Variants in HIPK3 observed in about 807,000 individuals in gnomAD.
HIPK3 encodes homeodomain interacting protein kinase 3.
Under a neutral mutation model 124.2 loss-of-function variants are expected in HIPK3, and 47 were observed. That is an observed-to-expected ratio of 0.38 (90% CI 0.30 to 0.48). The LOEUF (loss-of-function observed/expected upper bound fraction) is 0.48, where lower values mean the gene tolerates loss of function less well. Ranked by LOEUF, HIPK3 falls within the 20% of genes least tolerant of loss-of-function variation. The pLI, the probability that HIPK3 is intolerant of heterozygous loss-of-function variation, is 0.98. For synonymous variants in HIPK3, 482 were observed against 515.2 expected, an observed-to-expected ratio of 0.94 and a Z score of 0.87; for missense variants, 1,286 against 1,454.3, an observed-to-expected ratio of 0.88 and a Z score of 1.88.
intron 2 of HIPK3, among the ~76,000 whole-genome samples, chr11:33,288,371 C>T (rs955558034): frequency 4.6e-5 from 7 of 152,162 alleles, no homozygotes; most frequent in African/African-American, 1.7e-4. Context: ...AGGAGAATCA[C>T]TTGAACCCAG....
chr11:33,292,085 T>A (rs1473785751), intron 2 of HIPK3, among the ~76,000 whole-genome samples: 1 of 152,220 alleles, frequency 6.6e-6, no homozygotes, highest in Non-Finnish European at 1.5e-5. Flanking sequence ...TAGGGTACTT[T>A]ATGATGAAAC....
chr11:33,353,054 A>G (rs1231193918), intron 16 of HIPK3, 38 bp from the exon 17 acceptor site: 1 of 1,167,692 alleles, frequency 8.6e-7, no homozygotes, highest in Admixed American at 2.1e-5. Context: ...CTTTTAAGGT[A>G]TGTTATTCAG....
Position 33,257,878 on chromosome 11 carries a change from G to A in HIPK3, c.-14G>A, listed in dbSNP as rs1850708549. 2 of 985,520 alleles carry A rather than the reference G, an allele frequency of 2.0e-6. No homozygotes were observed. The highest frequency in any genetic ancestry group is 2.4e-6 in the Non-Finnish European group (2 of 830,050). The allele number at this position is 985,520 out of a possible 1,614,324, so 61.0% of individuals were successfully genotyped here. ...GCCGCCCGAAGAGGAGAGAGCGCGG[G>A]CCTCTAGGAAGGTAAGGGAGTCGAG... On this transcript the variant is annotated 5_prime_UTR_variant, in exon 1 of 17. Transcript: ENST00000303296.
intron 2 of HIPK3, among the ~76,000 whole-genome samples, chr11:33,314,288 G>T (rs911292942): frequency 2.0e-5 from 3 of 152,082 alleles, no homozygotes; most frequent in African/African-American, 7.2e-5. Flanking sequence ...GTCTAAAATG[G>T]GATAATGTAT....
intron 1 of HIPK3, among the ~76,000 whole-genome samples, chr11:33,265,813 C>T (rs924122025): frequency 6.9e-6 from 1 of 145,482 alleles, no homozygotes; most frequent in African/African-American, 2.5e-5. Context: ...GGGCCGGGCA[C>T]GGTGGCTCAC....
intron 2 of HIPK3, among the ~76,000 whole-genome samples, chr11:33,303,707 T>C (rs1182947463): frequency 6.6e-6 from 1 of 152,208 alleles, no homozygotes; most frequent in Non-Finnish European, 1.5e-5. Flanking sequence ...CTGAATGTTA[T>C]TAACAGCATG....
At chr11:33,278,728 C>T (rs2133888369) in intron 1 of HIPK3, among the ~76,000 whole-genome samples, 1 of 152,146 alleles carries the variant, frequency 6.6e-6, no homozygotes, top group Non-Finnish European at 1.5e-5. Flanking sequence ...CCTGTAGTCC[C>T]AGCTACTCGG....
chr11:33,343,032 T>C (rs1361080844), intron 8 of HIPK3, among the ~76,000 whole-genome samples: 2 of 152,288 alleles, frequency 1.3e-5, no homozygotes, highest in Non-Finnish European at 1.5e-5. Flanking sequence ...TAAACCAACA[T>C]GTCCAACTTA....
chr11:33,258,582 T>TA (rs1224586115), intron 1 of HIPK3: 1 of 985,278 alleles, frequency 1.0e-6, no homozygotes, highest in Non-Finnish European at 1.2e-6. Flanking sequence ...CTTCTCTCGT[T>TA]ACGGTGGCTG....
In HIPK3 at chr11:33,339,651, G is replaced by C. The variant is rs1459308578; in HGVS notation, c.1613+117G>C. On this transcript the variant is annotated intron_variant, in intron 6 of 16. Coordinates refer to ENST00000303296, the MANE Select transcript of HIPK3 (RefSeq NM_005734.5). ...ACACAAGTAACCTGAGTCAAAAGAG[G>C]CTAAGCTAACTTGACCAAGTTCACA... 1.9e-5 allele frequency: 14 copies of C among 745,030 alleles called. No individual in the cohort carries two copies. The East Asian group carries it at 3.5e-4, about 19-fold the overall frequency. 46.2% of individuals were successfully genotyped at this position (745,030 alleles called of 1,614,324 possible). A position where few individuals can be genotyped will look rare whatever the true frequency, so the allele number is the denominator to read the frequency against.
chr11:33,272,792 T>TC (rs1851167586), intron 1 of HIPK3, among the ~76,000 whole-genome samples: 2 of 778 alleles, frequency 2.6e-3, no homozygotes, highest in Non-Finnish European at 6.0e-3. Context: ...CCTCCCTCCC[T>TC]CCTTCCTTCC....
chr11:33,276,746 C>A (rs1851280774), intron 1 of HIPK3, among the ~76,000 whole-genome samples: 1 of 152,004 alleles, frequency 6.6e-6, no homozygotes, highest in African/African-American at 2.4e-5. Context: ...CACTCTGTTG[C>A]CCAGGCTGGA....
chr11:33,334,579 C>T (rs535033700), intron 3 of HIPK3, among the ~76,000 whole-genome samples: 11 of 151,460 alleles, frequency 7.3e-5, no homozygotes, highest in Non-Finnish European at 1.2e-4. Context: ...TTCCCTGGGC[C>T]ACATTGGAAG....
chr11:33,292,643 T>A (rs1295173816), intron 2 of HIPK3, among the ~76,000 whole-genome samples: 1 of 152,232 alleles, frequency 6.6e-6, no homozygotes, highest in African/African-American at 2.4e-5. Context: ...CTTTTGTATA[T>A]CATAAAGTAG....
chr11:33,312,702 A>T (rs947874131), intron 2 of HIPK3, among the ~76,000 whole-genome samples: 1 of 152,170 alleles, frequency 6.6e-6, no homozygotes, highest in African/African-American at 2.4e-5. Flanking sequence ...TTACAATTTA[A>T]ATCTTAAGTT....
In HIPK3 at chr11:33,347,642, G is replaced by A. The variant is rs372518927; in HGVS notation, c.2033G>A (p.Arg678Lys). Reference sequence around the variant, plus strand: ...TGCTGCAAGCAGACGTGGTCTGGTAGAACACAGCAGATGCTGGTGCCTGCC... The same window carrying A: ...TGCTGCAAGCAGACGTGGTCTGGTAAAACACAGCAGATGCTGGTGCCTGCC... The part of the protein sequence containing the change: ...PGVLSQTWSG[R>K]TQQMLVPAWQ... The change falls in exon 10 of 17, where the codon AGA becomes AAA. Residue 678 changes from arginine (R) to lysine (K), a missense_variant. Arg to Lys is a conservative substitution (Grantham distance 26). This residue lies in a region of HIPK3 where 810 missense variants were observed against 864.9 expected (regional missense o/e 0.94). Coordinates refer to ENST00000303296, the MANE Select transcript of HIPK3 (RefSeq NM_005734.5). 12 of 1,613,898 alleles carry A rather than the reference G, an allele frequency of 7.4e-6. No individual in the cohort carries two copies. The African/African-American group carries it at 1.5e-4, about 20-fold the overall frequency.
chr11:33,299,339 G>A (rs1438783418), intron 2 of HIPK3, among the ~76,000 whole-genome samples: 1 of 151,914 alleles, frequency 6.6e-6, no homozygotes, highest in African/African-American at 2.4e-5. Flanking sequence ...GGGCACAGTG[G>A]CAGGTGCCTG....
Position 33,264,077 on chromosome 11 carries a change from CCTT to C in HIPK3, c.-3+6194_-3+6196del, listed in dbSNP as rs1442795517. Among the ~76,000 whole-genome samples the C allele has an allele frequency of 2.6e-5, 4 of 152,282 alleles. No homozygotes were observed. The South Asian group carries it at 8.3e-4, about 32-fold the overall frequency. On this transcript the variant is annotated intron_variant, in intron 1 of 16. Transcript: ENST00000303296. ...TATGTCTGTCACACAGTCCTTTTCA[CCTT>C]CTTCTGAGATAAATATCTCTTAAAG... is the stretch of plus-strand genomic sequence containing the variant.
intron 1 of HIPK3, among the ~76,000 whole-genome samples, chr11:33,285,216 A>G (rs1851515443): frequency 6.6e-6 from 1 of 152,224 alleles, no homozygotes; most frequent in African/African-American, 2.4e-5. Context: ...CAGGCATAAA[A>G]TAAATAGAAT....
Sources: gnomAD v4.1 joint callset for allele counts (sites outside exome capture counted in the v4.1 genomes callset) on GRCh38, gnomAD v4.1.1 for gene constraint, gnomAD v4.1.1 regional missense constraint, MANE v1.5 for transcripts, NCBI Gene and HGNC (gene_info 2026-07-23, HGNC 2026-07-21) for gene names.